Variants in TMEM154 observed in about 807,000 individuals in gnomAD.
TMEM154 encodes transmembrane protein 154.
TMEM154 carries 27 observed loss-of-function variants against 24.5 expected under a neutral mutation model. The observed-to-expected ratio is 1.10, with a 90% CI of 0.81 to 1.52. TMEM154 has a LOEUF of 1.52. TMEM154 is among the 40% of genes most tolerant of loss of function. The probability of loss-of-function intolerance (pLI) is 0.00; values close to 1 mark genes in which losing one functional copy is unlikely to be tolerated. For missense variants in TMEM154, 228 were observed against 213.4 expected (o/e 1.07, Z -0.43); for synonymous variants, 67 against 76.8 (o/e 0.87, Z 0.67).
At chr4:152,655,512 C>A (rs1387826105) in intron 1 of TMEM154, among the ~76,000 whole-genome samples, 1 of 152,174 alleles carries the variant, frequency 6.6e-6, no homozygotes, top group African/African-American at 2.4e-5. Context: ...CTGTATCCTG[C>A]CCTAGGGCCC....
chr4:152,671,557 C>G (rs1728837480), intron 1 of TMEM154, among the ~76,000 whole-genome samples: 1 of 151,044 alleles, frequency 6.6e-6, no homozygotes, highest in Non-Finnish European at 1.5e-5. Flanking sequence ...ACCATCCCGG[C>G]TAAAACGGTG....
At chr4:152,656,624 T>C (rs6854755) in intron 1 of TMEM154, among the ~76,000 whole-genome samples, 80,360 of 151,970 alleles carry the variant, frequency 0.53, 21,438 homozygotes, top group Admixed American at 0.58. Context: ...TCCTCCCCTA[T>C]GAAAGTAAAT....
In TMEM154 at chr4:152,631,199, A is replaced by G. The variant is rs1477661270; in HGVS notation, c.537-2638T>C. On this transcript the variant is annotated intron_variant, in intron 6 of 6. Transcript: ENST00000304385. ...CCTTTCCTAGAAATTTTTACAATTT[A>G]CATTCTTCCAACACTACTCTTTAGG... 3.3e-5 allele frequency among the ~76,000 whole-genome samples: 5 copies of G among 152,304 alleles called. No individual in the cohort carries two copies. The East Asian group carries it at 7.7e-4, about 23-fold the overall frequency.
intron 6 of TMEM154, among the ~76,000 whole-genome samples, chr4:152,633,374 C>T (rs1465983582): frequency 6.6e-6 from 1 of 152,202 alleles, no homozygotes; most frequent in Non-Finnish European, 1.5e-5. Flanking sequence ...CCTGGCCTGC[C>T]ACTTGTGCCT....
chr4:152,657,437 C>T (rs1728512350), intron 1 of TMEM154, among the ~76,000 whole-genome samples: 2 of 151,920 alleles, frequency 1.3e-5, no homozygotes, highest in Non-Finnish European at 1.5e-5. Context: ...CCATCTGAGC[C>T]CTGGAGGCAG....
chr4:152,646,846 G>T, intron 3 of TMEM154: 1 of 662,872 alleles, frequency 1.5e-6, no homozygotes, highest in Non-Finnish European at 2.7e-6. Flanking sequence ...AAGAGAAAGA[G>T]TCTCTTTCCA....
At chr4:152,635,389 T>C (rs1373855606) in intron 6 of TMEM154, among the ~76,000 whole-genome samples, 2 of 152,250 alleles carry the variant, frequency 1.3e-5, no homozygotes, top group Non-Finnish European at 2.9e-5. Flanking sequence ...TTGAGCTTTA[T>C]CAGCTACGAA....
intron 1 of TMEM154, among the ~76,000 whole-genome samples, chr4:152,674,117 C>T (rs555862812): frequency 3.9e-4 from 59 of 151,876 alleles, no homozygotes; most frequent in Non-Finnish European, 7.5e-4. Context: ...CTCAAGAAAG[C>T]AAGAAAATAC....
intron 5 of TMEM154, among the ~76,000 whole-genome samples, 179 bp downstream of exon 5, chr4:152,642,909 A>T (rs186744616): frequency 1.3e-5 from 2 of 152,370 alleles, no homozygotes; most frequent in East Asian, 3.9e-4. Context: ...ACAAGTGGCA[A>T]CAATTAAGCT....
chr4:152,669,118 T>G (rs948295327), intron 1 of TMEM154: 3 of 152,254 alleles, frequency 2.0e-5, no homozygotes, highest in African/African-American at 7.2e-5. Context: ...ACTTAGTTTT[T>G]AACGTGATTA....
intron 1 of TMEM154, among the ~76,000 whole-genome samples, chr4:152,653,584 T>C (rs1728434044): frequency 6.6e-6 from 1 of 150,456 alleles, no homozygotes; most frequent in African/African-American, 2.4e-5. Context: ...GAGACAGGGT[T>C]TCACCATGTT....
At chr4:152,640,408 T>G (rs1378144162) in intron 6 of TMEM154, among the ~76,000 whole-genome samples, 1 of 152,148 alleles carries the variant, frequency 6.6e-6, no homozygotes, top group Non-Finnish European at 1.5e-5. Flanking sequence ...TAATATAATT[T>G]AAAATGAGAT....
chr4:152,631,041 T>C (rs1752030403), intron 6 of TMEM154, among the ~76,000 whole-genome samples: 1 of 152,232 alleles, frequency 6.6e-6, no homozygotes, highest in South Asian at 2.1e-4. Context: ...TTTTTAATTT[T>C]TATTTATTAT....
At chr4:152,677,093 C>T (rs56039806) in intron 1 of TMEM154, among the ~76,000 whole-genome samples, 1 of 152,186 alleles carries the variant, frequency 6.6e-6, no homozygotes, top group Non-Finnish European at 1.5e-5. Flanking sequence ...TCTTAGGATC[C>T]TACACTGGCC....
At chr4:152,656,476 C>T (rs569142850) in intron 1 of TMEM154, among the ~76,000 whole-genome samples, 1 of 152,244 alleles carries the variant, frequency 6.6e-6, no homozygotes, top group East Asian at 1.9e-4. Context: ...CTGGGGAAGC[C>T]ACAGATACTA....
intron 3 of TMEM154, among the ~76,000 whole-genome samples, chr4:152,645,582 G>A (rs911180087): frequency 6.6e-6 from 1 of 152,184 alleles, no homozygotes; most frequent in Non-Finnish European, 1.5e-5. Flanking sequence ...GAAACCTATT[G>A]AAAAGCAAAC....
chr4:152,631,540 C>G (rs1752043828), intron 6 of TMEM154, among the ~76,000 whole-genome samples: 1 of 150,404 alleles, frequency 6.6e-6, no homozygotes, highest in African/African-American at 2.4e-5. Flanking sequence ...CTCCAGCAAT[C>G]CTACCACCTC....
intron 3 of TMEM154, chr4:152,646,789 C>T (rs1728250394): frequency 1.7e-6 from 1 of 601,662 alleles, no homozygotes; most frequent in Non-Finnish European, 2.9e-6. Flanking sequence ...GCAGGAGCTA[C>T]AGGAGCCTCT....
chr4:152,679,994 A>G lies in TMEM154; in HGVS notation c.-61T>C. On this transcript the variant is annotated 5_prime_UTR_variant, in exon 1 of 7. Coordinates refer to ENST00000304385, the MANE Select transcript of TMEM154 (RefSeq NM_152680.3). ...TGCGCCGGGCTGCAGCCTCTCTGAA[A>G]CGTGAACATTTCCTGTTTCCTGCTT... 1 of 1,493,010 alleles carries G rather than the reference A, an allele frequency of 6.7e-7. No homozygotes were observed. The highest frequency in any genetic ancestry group is 9.2e-7 in the Non-Finnish European group (1 of 1,087,608). 92.5% of individuals were successfully genotyped at this position (1,493,010 alleles called of 1,614,324 possible).
Sources: allele counts gnomAD v4.1 joint callset (sites outside exome capture counted in the v4.1 genomes callset), GRCh38; gene constraint gnomAD v4.1.1; transcripts MANE v1.5; gene names NCBI Gene and HGNC (gene_info 2026-07-23, HGNC 2026-07-21).